Variants in VEGFC observed in about 807,000 individuals in gnomAD.
VEGFC encodes the protein FLT4 ligand DHM.
Under a neutral mutation model 46.1 loss-of-function variants are expected in VEGFC, and 12 were observed. That is an observed-to-expected ratio of 0.26 (90% CI 0.17 to 0.42). VEGFC has a LOEUF of 0.42. VEGFC is among the 10% of genes least tolerant of loss of function. VEGFC has a pLI of 1.00. For synonymous variants in VEGFC, 232 were observed against 195.5 expected (o/e 1.19, Z -1.56); for missense variants, 488 against 529.4 (o/e 0.92, Z 0.77).
At chr4:176,738,718 A>G (rs1012860916) in intron 1 of VEGFC, among the ~76,000 whole-genome samples, 2 of 152,206 alleles carry the variant, frequency 1.3e-5, no homozygotes, top group Admixed American at 6.6e-5. Flanking sequence ...TAATTAAACT[A>G]AAGAGCTTCT....
Position 176,687,907 on chromosome 4 carries a change from G to T in VEGFC, c.725C>A (p.Thr242Asn). 2.5e-6 allele frequency: 4 copies of T among 1,612,940 alleles called. 1 individual carries two copies. The South Asian group carries it at 3.3e-5, about 13-fold the overall frequency. ...ATTCCACATGTAATTGGTGGGGCAG[G>T]TCTTGTTCGCTGCCTGACACCTTTG... ...TLPQCQAANK[T>N]CPTNYMWNNH... The change falls in exon 5 of 7, where the codon ACC (threonine) becomes AAC (asparagine). Residue 242 changes from threonine to asparagine, a missense_variant. Thr to Asn is a moderately conservative substitution (Grantham distance 65). Coordinates refer to ENST00000618562, the MANE Select transcript of VEGFC (RefSeq NM_005429.5).
Position 176,727,889 on chromosome 4 carries a change from C to T in VEGFC, c.441G>A (p.Ala147=), listed in dbSNP as rs560722685. ...ATGGAGGTTTAAAGAAGGTGTTTGT[C>T]GCGACTCCAAACTCCTTCCCCACAT... The part of the protein sequence containing the change: ...CIDVGKEFGV[A]TNTFFKPPCV... The change falls in exon 3 of 7, where the codon GCG becomes GCA. Residue 147 remains alanine (A), a synonymous_variant. Coordinates refer to ENST00000618562, the MANE Select transcript of VEGFC (RefSeq NM_005429.5). 53 of 1,613,654 alleles carry T rather than the reference C, an allele frequency of 3.3e-5. No homozygotes were observed. Among genetic ancestry groups the T allele is most frequent in the Admixed American group, 2.3e-4 (14 of 59,934 alleles).
chr4:176,774,407 G>A (rs1388827575), intron 1 of VEGFC, among the ~76,000 whole-genome samples: 1 of 152,082 alleles, frequency 6.6e-6, no homozygotes, highest in Non-Finnish European at 1.5e-5. Context: ...AAGCCACAGA[G>A]CCAAATGAGT....
At chr4:176,752,996 G>A (rs1381067253) in intron 1 of VEGFC, among the ~76,000 whole-genome samples, 1 of 151,974 alleles carries the variant, frequency 6.6e-6, no homozygotes, top group Non-Finnish European at 1.5e-5. Flanking sequence ...CTAAATGCAT[G>A]GAAACAGGTG....
chr4:176,779,117 A>C (rs187544240), intron 1 of VEGFC, among the ~76,000 whole-genome samples: 5 of 152,230 alleles, frequency 3.3e-5, no homozygotes, highest in African/African-American at 9.6e-5. Context: ...ATATTACATT[A>C]AAATCAAAGC....
At chr4:176,789,501 T>A (rs2110959329) in intron 1 of VEGFC, among the ~76,000 whole-genome samples, 1 of 152,326 alleles carries the variant, frequency 6.6e-6, no homozygotes, top group South Asian at 2.1e-4. Context: ...ATGTCAGAAA[T>A]CTCTTATAAG....
At position 176,697,458 on chromosome 4, in the gene VEGFC, T is replaced by C. The variant is rs566188815; in HGVS notation, c.705-9531A>G. Among the ~76,000 whole-genome samples, 16 of 152,326 alleles carry C rather than the reference T, an allele frequency of 1.1e-4. No homozygotes were observed. In the South Asian group the frequency reaches 2.9e-3, roughly 28 times the overall value. ...AGATACCATCTCACACCACGTAGAA[T>C]GGCAATCATTCAAAAGTCAGGAAAC... On this transcript the variant is annotated intron_variant, in intron 4 of 6. Coordinates refer to ENST00000618562, the MANE Select transcript of VEGFC (RefSeq NM_005429.5).
At chr4:176,738,665 C>A (rs1221970540) in intron 1 of VEGFC, among the ~76,000 whole-genome samples, 1 of 151,952 alleles carries the variant, frequency 6.6e-6, no homozygotes. Flanking sequence ...GACGAAGACG[C>A]CAAAAGCGAT....
chr4:176,731,543 G>A (rs928198600), intron 1 of VEGFC, among the ~76,000 whole-genome samples: 1 of 151,882 alleles, frequency 6.6e-6, no homozygotes, highest in Non-Finnish European at 1.5e-5. Context: ...AAATGTGACA[G>A]ATCAGTTTTT....
intron 1 of VEGFC, among the ~76,000 whole-genome samples, chr4:176,783,353 A>C (rs1197388030): frequency 6.6e-6 from 1 of 152,158 alleles, no homozygotes; most frequent in East Asian, 1.9e-4. Context: ...TCCTCAGTGA[A>C]ATTGTTGATA....
chr4:176,687,515 T>C lies in VEGFC; in HGVS notation c.817A>G (p.Thr273Ala). The C allele has an allele frequency of 6.3e-7, 1 of 1,596,792 alleles. No homozygotes were observed. Among genetic ancestry groups the C allele is most frequent in the Non-Finnish European group, 8.5e-7 (1 of 1,171,678 alleles). Residue 273 changes from threonine (T) to alanine (A), a missense_variant, in exon 6 of 7, where the codon ACA (threonine) becomes GCA (alanine). By Grantham distance (58) the Thr-to-Ala change is moderately conservative. Coordinates refer to ENST00000618562, the MANE Select transcript of VEGFC (RefSeq NM_005429.5). ...MFSSDAGDDS[T>A]DGFHDICGPN... is the part of the protein sequence containing the mutation. ...CCACAGATGTCATGGAATCCATCTG[T>C]TGAGTCTAGACAAATAGTCAGAGAA...
chr4:176,713,261 G>A (rs751226688), intron 3 of VEGFC, among the ~76,000 whole-genome samples: 4 of 152,082 alleles, frequency 2.6e-5, no homozygotes, highest in Non-Finnish European at 4.4e-5. Flanking sequence ...AAAGATACCC[G>A]TTTATACACG....
intron 3 of VEGFC, 59 bp from the exon 4 acceptor site, chr4:176,711,709 G>A: frequency 1.3e-6 from 2 of 1,561,294 alleles, no homozygotes; most frequent in Admixed American, 1.7e-5. Flanking sequence ...GCACTTTTAT[G>A]GTAAATATTG....
At chr4:176,740,334 T>C (rs1277758160) in intron 1 of VEGFC, among the ~76,000 whole-genome samples, 1 of 119,976 alleles carries the variant, frequency 8.3e-6, no homozygotes, top group African/African-American at 3.4e-5. Flanking sequence ...AATAAATATA[T>C]ATAACTATAT....
chr4:176,776,625 C>A (rs540357669), intron 1 of VEGFC, among the ~76,000 whole-genome samples: 2 of 152,274 alleles, frequency 1.3e-5, no homozygotes, highest in Admixed American at 1.3e-4. Flanking sequence ...AGAACCAAAG[C>A]CAAAGAGAGA....
chr4:176,704,286 GTCT>G (rs528708337), intron 4 of VEGFC, among the ~76,000 whole-genome samples: 279 of 152,076 alleles, frequency 1.8e-3, no homozygotes, highest in African/African-American at 6.3e-3. Flanking sequence ...GGCTCATCTT[GTCT>G]TCTTACTTGC....
chr4:176,741,052 T>TATAA lies in VEGFC; in HGVS notation c.148-11307_148-11306insTTAT, dbSNP rs1403403403. ...CATCAATTATTTTTATCAATGTAAT[T>TATAA]AATTGTTCATTGTCCAATATCTCTT... On this transcript the variant is annotated intron_variant, in intron 1 of 6. Coordinates refer to ENST00000618562, the MANE Select transcript of VEGFC (RefSeq NM_005429.5). 2.0e-4 allele frequency among the ~76,000 whole-genome samples: 31 copies of TATAA among 152,124 alleles called. 1 individual carries two copies. Among genetic ancestry groups the TATAA allele is most frequent in the African/African-American group, 7.2e-4 (30 of 41,554 alleles).
chr4:176,743,610 A>G (rs1735213091), intron 1 of VEGFC, among the ~76,000 whole-genome samples: 1 of 150,202 alleles, frequency 6.7e-6, no homozygotes, highest in African/African-American at 2.4e-5. Context: ...TGAAATATAT[A>G]ATATTATAGA....
chr4:176,763,959 T>A (rs1170436452), intron 1 of VEGFC, among the ~76,000 whole-genome samples: 1 of 152,028 alleles, frequency 6.6e-6, no homozygotes, highest in South Asian at 2.1e-4. Context: ...CAAAAATGTG[T>A]TCCCTTAGTC....
Sources: gnomAD v4.1 joint callset for allele counts (sites outside exome capture counted in the v4.1 genomes callset) on GRCh38, gnomAD v4.1.1 for gene constraint, MANE v1.5 for transcripts, NCBI Gene and HGNC (gene_info 2026-07-23, HGNC 2026-07-21) for gene names.